The following PROS1 variants were observed in gnomAD, a reference collection of about 807,000 sequenced individuals.
PROS1 encodes vitamin K-dependent protein S.
Under a neutral mutation model 75.9 loss-of-function variants are expected in PROS1, and 29 were observed. That is an observed-to-expected ratio of 0.38 (90% CI 0.28 to 0.52). The LOEUF is 0.52. Among genes scored for constraint, PROS1 ranks in the 20% least tolerant of loss-of-function variants. PROS1 has a pLI of 0.83. For synonymous variants in PROS1, 245 were observed against 280.6 expected (o/e 0.87, Z 1.27); for missense variants, 680 against 810.3 (o/e 0.84, Z 1.95).
chr3:93,909,961 T>A (rs1708735714), intron 4 of PROS1, among the ~76,000 whole-genome samples: 1 of 152,168 alleles, frequency 6.6e-6, no homozygotes, highest in South Asian at 2.1e-4. Flanking sequence ...ATATACGTAT[T>A]CAGACAAACT....
intron 14 of PROS1, among the ~76,000 whole-genome samples, chr3:93,876,588 CAAAAAAAAAAA>C (rs34147087): frequency 2.9e-5 from 1 of 34,990 alleles, no homozygotes; most frequent in Admixed American, 4.9e-4. Flanking sequence ...GACTCCATCT[CAAAAAAAAAAA>C]AAAAAAAAAA....
rs756708926 is a variant in PROS1, at chr3:93,905,925, G to GA, written c.470-11dup. The GA allele has an allele frequency of 4.3e-6, 7 of 1,611,372 alleles. No homozygotes were observed. The highest frequency in any genetic ancestry group is 2.2e-5 in the East Asian group (1 of 44,840). Reference sequence around the variant, plus strand: ...TTGCATTCATTTATGTCTAAAACAGGAAAAAAATAAATTATTTTTAAAGTA... The same window carrying GA: ...TTGCATTCATTTATGTCTAAAACAGGAAAAAAAATAAATTATTTTTAAAGTA... On this transcript the variant is annotated splice_polypyrimidine_tract_variant and intron_variant, in intron 5 of 14. Coordinates refer to ENST00000394236, the MANE Select transcript of PROS1 (RefSeq NM_000313.4).
chr3:93,919,734 T>C (rs777858967), intron 3 of PROS1, among the ~76,000 whole-genome samples: 1 of 152,188 alleles, frequency 6.6e-6, no homozygotes, highest in African/African-American at 2.4e-5. Context: ...AACATTTTTG[T>C]CTTTATTCCA....
intron 11 of PROS1, among the ~76,000 whole-genome samples, chr3:93,885,143 C>T (rs1708328539): frequency 6.6e-6 from 1 of 152,172 alleles, no homozygotes; most frequent in Non-Finnish European, 1.5e-5. Context: ...TCAAGCCCCA[C>T]CTGCCTCTCC....
At chr3:93,910,565 C>A (rs1708744654) in intron 4 of PROS1, 54 bp downstream of exon 4, 8 of 1,430,734 alleles carry the variant, frequency 5.6e-6, no homozygotes, top group Non-Finnish European at 6.9e-6. Context: ...CATGGGTGTA[C>A]TTTACCTACA....
At chr3:93,948,505 G>C (rs1241717914) in intron 1 of PROS1, among the ~76,000 whole-genome samples, 1 of 152,090 alleles carries the variant, frequency 6.6e-6, no homozygotes, top group South Asian at 2.1e-4. Context: ...GTTGACAATG[G>C]GGTGTTAAAG....
chr3:93,946,714 C>T (rs1001799885), intron 1 of PROS1, among the ~76,000 whole-genome samples: 3 of 151,764 alleles, frequency 2.0e-5, no homozygotes, highest in Non-Finnish European at 2.9e-5. Flanking sequence ...TAGAAGAAAA[C>T]CTAAGGAATA....
chr3:93,879,287 T>C lies in PROS1; in HGVS notation c.1520A>G (p.His507Arg), dbSNP rs1708240703. The change falls in exon 13 of 15, where the codon CAT becomes CGT. Residue 507 changes from histidine (H) to arginine (R), a missense_variant. His to Arg is a conservative substitution (Grantham distance 29). Transcript: ENST00000394236. ...YNNVSSAEGW[H>R]VNVTLNIRPS... is the part of the protein sequence containing the mutation. Reference sequence around the variant, plus strand: ...ACGAATATTCAAGGTCACATTTACATGCCAACCCTCAGCACTGGATACATT... The same window carrying C: ...ACGAATATTCAAGGTCACATTTACACGCCAACCCTCAGCACTGGATACATT... The C allele has an allele frequency of 6.2e-7, 1 of 1,613,948 alleles. No homozygotes were observed. The highest frequency in any genetic ancestry group is 1.1e-5 in the South Asian group (1 of 91,084).
At position 93,874,368 on chromosome 3, in the gene PROS1, A is replaced by T; in HGVS notation, c.1908T>A (p.Tyr636Ter). ...TAATATTCACTTCCATGCAGCCATT[A>T]TAAAAGGCATTCACTGGTGTGGCAC... ...PFSATPVNAF[Y>*]NGCMEVNING... Residue 636 changes from tyrosine to a stop codon, truncating the protein, a stop_gained, in exon 15 of 15, where the codon TAT becomes TAA. Coordinates refer to ENST00000394236, the MANE Select transcript of PROS1 (RefSeq NM_000313.4). LOFTEE classifies it high-confidence loss of function. 1.2e-6 allele frequency: 2 copies of T among 1,613,448 alleles called. No homozygotes were observed. The highest frequency in any genetic ancestry group is 1.7e-6 in the Non-Finnish European group (2 of 1,179,530).
intron 1 of PROS1, among the ~76,000 whole-genome samples, chr3:93,956,582 A>ACT (rs1709607735): frequency 7.0e-6 from 1 of 142,262 alleles, no homozygotes; most frequent in African/African-American, 2.5e-5. Flanking sequence ...ACACACACAC[A>ACT]CACACACGTT....
At chr3:93,900,123 C>T (rs1708568179) in intron 7 of PROS1, among the ~76,000 whole-genome samples, 1 of 152,034 alleles carries the variant, frequency 6.6e-6, no homozygotes, top group East Asian at 1.9e-4. Flanking sequence ...ATCTGTATAT[C>T]ATAATAAACA....
chr3:93,904,426 T>C (rs1274211595), intron 6 of PROS1, among the ~76,000 whole-genome samples: 2 of 152,212 alleles, frequency 1.3e-5, no homozygotes, highest in African/African-American at 4.8e-5. Context: ...GAAGAATTTG[T>C]TGTTAATGTA....
At position 93,927,244 on chromosome 3, in the gene PROS1, G is replaced by A. The variant is rs1576198310; in HGVS notation, c.234+6C>T. 1 of 1,612,064 alleles carries A rather than the reference G, an allele frequency of 6.2e-7. No homozygotes were observed. Among genetic ancestry groups the A allele is most frequent in the Non-Finnish European group, 8.5e-7 (1 of 1,179,982 alleles). On this transcript the variant is annotated splice_donor_region_variant and intron_variant, in intron 2 of 14. Transcript: ENST00000394236. ...TGTGAACTTGATAGTTTCCATAAAT[G>A]CTTACCGTTTCCGGGTCATTTTCAA...
At chr3:93,887,023 A>C (rs1708358956) in intron 10 of PROS1, among the ~76,000 whole-genome samples, 1 of 146,638 alleles carries the variant, frequency 6.8e-6, no homozygotes, top group African/African-American at 2.5e-5. Context: ...GGTTCACGCC[A>C]TTCTCCTGCC....
At chr3:93,875,965 T>G (rs1344812455) in intron 14 of PROS1, among the ~76,000 whole-genome samples, 1 of 152,182 alleles carries the variant, frequency 6.6e-6, no homozygotes, top group African/African-American at 2.4e-5. Context: ...TAAAGATGAA[T>G]CTGTTTTTCC....
intron 1 of PROS1, among the ~76,000 whole-genome samples, chr3:93,964,133 G>A (rs751517638): frequency 6.6e-6 from 1 of 152,134 alleles, no homozygotes; most frequent in Non-Finnish European, 1.5e-5. Context: ...TGTGTTAACT[G>A]TACAAATTGA....
chr3:93,964,407 G>T (rs932795357), intron 1 of PROS1, among the ~76,000 whole-genome samples: 4 of 152,032 alleles, frequency 2.6e-5, no homozygotes, highest in African/African-American at 9.7e-5. Context: ...GCTTATAAAC[G>T]GCCACTCTGG....
At chr3:93,960,176 CTT>C (rs997640046) in intron 1 of PROS1, among the ~76,000 whole-genome samples, 23 of 138,848 alleles carry the variant, frequency 1.7e-4, no homozygotes, top group Admixed American at 4.4e-4. Context: ...GCGTTTGTCA[CTT>C]TTTTTTTTTT....
At chr3:93,875,650 C>G (rs1390941641) in intron 14 of PROS1, among the ~76,000 whole-genome samples, 3 of 151,350 alleles carry the variant, frequency 2.0e-5, no homozygotes, top group Non-Finnish European at 4.4e-5. Flanking sequence ...ATCTATCTAT[C>G]TATCTATCTA....
Sources: gnomAD v4.1 joint callset for allele counts (sites outside exome capture counted in the v4.1 genomes callset) on GRCh38, gnomAD v4.1.1 for gene constraint, MANE v1.5 for transcripts, NCBI Gene and HGNC (gene_info 2026-07-23, HGNC 2026-07-21) for gene names.